Variants in MYPN observed in about 807,000 individuals in gnomAD.
MYPN encodes the protein sarcomeric protein myopalladin, 145 kDa (MYOP).
MYPN carries 63 observed loss-of-function variants against 129.4 expected under a neutral mutation model. The observed-to-expected ratio is 0.49, with a 90% CI of 0.40 to 0.60. The LOEUF is 0.60. Among genes scored for constraint, MYPN ranks in the 20% least tolerant of loss-of-function variants. The probability of loss-of-function intolerance (pLI) is 0.00; values close to 1 mark genes in which losing one functional copy is unlikely to be tolerated. For synonymous variants in MYPN, 629 were observed against 600.9 expected (o/e 1.05, Z -0.68); for missense variants, 1,596 against 1,635.4 (o/e 0.98, Z 0.42).
chr10:68,113,006 G>A (rs1169886381), intron 1 of MYPN, among the ~76,000 whole-genome samples: 2 of 152,154 alleles, frequency 1.3e-5, no homozygotes, highest in African/African-American at 2.4e-5. Flanking sequence ...CTTCTCTAGG[G>A]TGATATCATT....
At chr10:68,110,103 A>G (rs2042060915) in intron 1 of MYPN, among the ~76,000 whole-genome samples, 1 of 152,248 alleles carries the variant, frequency 6.6e-6, no homozygotes, top group African/African-American at 2.4e-5. Flanking sequence ...CTAAAATAAT[A>G]TGCCTGCATA....
chr10:68,194,434 T>A lies in MYPN; in HGVS notation c.2997T>A (p.Asp999Glu). Reference protein sequence around the residue: ...NEHCKMRREGDGTCSLHIEST... With the variant: ...NEHCKMRREGEGTCSLHIEST... The stretch of plus-strand genomic sequence containing the variant: ...ACTGCAAAATGAGGCGAGAAGGAGA[T>A]GGGACATGCTCTCTGCACATTGAAT... Residue 999 changes from aspartate (D) to glutamate (E), a missense_variant, in exon 14 of 20, where the codon GAT (aspartate) becomes GAA (glutamate). Transcript: ENST00000358913. 6.2e-7 allele frequency: 1 copy of A among 1,613,878 alleles called. No individual in the cohort carries two copies.
rs1440449417 is a variant in MYPN at position 68,121,659 on chromosome 10, A to G, written c.221A>G (p.Glu74Gly). ...TTTCTGAGCCAAGAAGAATTAGACG[A>G]AAGTGTCAATTTGGCAAGACTGGCC... ...SAFLSQEELD[E>G]SVNLARLAIN... The change falls in exon 2 of 20, where the codon GAA (glutamate) becomes GGA (glycine). Residue 74 changes from glutamate to glycine, a missense_variant. By Grantham distance (98) the Glu-to-Gly change is moderately conservative (BLOSUM62 -2). Coordinates refer to ENST00000358913, the MANE Select transcript of MYPN (RefSeq NM_032578.4). 1 of 1,614,246 alleles carries G rather than the reference A, an allele frequency of 6.2e-7. No individual in the cohort carries two copies. Among genetic ancestry groups the G allele is most frequent in the Admixed American group, 1.7e-5 (1 of 60,028 alleles).
At chr10:68,170,014 A>C (rs986095036) in intron 10 of MYPN, among the ~76,000 whole-genome samples, 3 of 152,178 alleles carry the variant, frequency 2.0e-5, no homozygotes, top group Admixed American at 6.5e-5. Flanking sequence ...CTGGGATTAC[A>C]GGTGTGAGCC....
chr10:68,100,697 C>A (rs2041977620), intron 1 of MYPN, among the ~76,000 whole-genome samples: 1 of 152,254 alleles, frequency 6.6e-6, no homozygotes, highest in Admixed American at 6.5e-5. Flanking sequence ...TGTGGACGAA[C>A]CCTTGGGCAA....
rs1056092202 is a variant in MYPN at position 68,175,224 on chromosome 10, G to A, written c.2565-99G>A. 4.9e-5 allele frequency: 64 copies of A among 1,295,002 alleles called. No homozygotes were observed. The African/African-American group carries it at 5.4e-4, about 11-fold the overall frequency. The allele number at this position is 1,295,002 out of a possible 1,614,324, so 80.2% of individuals were successfully genotyped here. A position where few individuals can be genotyped will look rare whatever the true frequency, so the allele number is the denominator to read the frequency against. ...TTAATTCCCTAAGTGCCTAATGACC[G>A]CTGGTTTCTGGTTGTCATTTCAACC... On this transcript the variant is annotated intron_variant, in intron 11 of 19. Coordinates refer to ENST00000358913, the MANE Select transcript of MYPN (RefSeq NM_032578.4).
chr10:68,202,441 GAA>G (rs56044056), intron 18 of MYPN, among the ~76,000 whole-genome samples: 1 of 146,912 alleles, frequency 6.8e-6, no homozygotes. Context: ...TCAAAAAAAA[GAA>G]AAAAAAAAGT....
At chr10:68,186,969 T>C (rs10997997) in intron 12 of MYPN, among the ~76,000 whole-genome samples, 28,425 of 151,960 alleles carry the variant, frequency 0.19, 3,041 homozygotes, top group Middle Eastern at 0.27. Flanking sequence ...GAATCCAGGA[T>C]GAGTCCTAGA....
chr10:68,178,490 G>A (rs975281569), intron 12 of MYPN, among the ~76,000 whole-genome samples: 49 of 152,028 alleles, frequency 3.2e-4, no homozygotes, highest in Admixed American at 2.9e-3. Context: ...CGAGACAGGC[G>A]GATCACTTGA....
intron 12 of MYPN, among the ~76,000 whole-genome samples, chr10:68,178,841 CTGAG>C (rs892034765): frequency 1.5e-4 from 23 of 152,066 alleles, no homozygotes; most frequent in African/African-American, 4.8e-4. Flanking sequence ...GCTATGTTGA[CTGAG>C]TGTTAATTTC....
At chr10:68,206,735 G>C in intron 18 of MYPN, 35 bp from the exon 19 acceptor site, 1 of 1,613,838 alleles carries the variant, frequency 6.2e-7, no homozygotes, top group Non-Finnish European at 8.5e-7. Context: ...TCTGCCCCCC[G>C]ATAAAATATA....
intron 1 of MYPN, chr10:68,114,304 C>G (rs920023186): frequency 6.6e-6 from 1 of 151,820 alleles, no homozygotes; most frequent in African/African-American, 2.4e-5. Flanking sequence ...AAGGTATCAG[C>G]CTCAAACTTT....
intron 12 of MYPN, among the ~76,000 whole-genome samples, 177 bp downstream of exon 12, chr10:68,175,638 C>T (rs901207738): frequency 2.0e-5 from 3 of 149,744 alleles, no homozygotes; most frequent in African/African-American, 7.4e-5. Context: ...ATCTGCGGTT[C>T]GTAATTCTCC....
Position 68,195,519 on chromosome 10 carries a change from G to C in MYPN, c.3145G>C (p.Gly1049Arg), listed in dbSNP as rs770562444. ...CATTCGCAGTCGGCTAACCTCTGCT[G>C]GTCAGTCTCACAGGTAAAGACAGTA... ...LPIRSRLTSA[G>R]QSHRGRSRVQ... The change falls in exon 15 of 20, where the codon GGT becomes CGT. Residue 1049 changes from glycine (G) to arginine (R), a missense_variant. Gly to Arg is a moderately radical substitution (Grantham distance 125). Coordinates refer to ENST00000358913, the MANE Select transcript of MYPN (RefSeq NM_032578.4). 1.9e-6 allele frequency: 3 copies of C among 1,613,776 alleles called. No homozygotes were observed. Among genetic ancestry groups the C allele is most frequent in the Non-Finnish European group, 2.5e-6 (3 of 1,179,876 alleles).
At chr10:68,116,534 C>A (rs1307690729) in intron 1 of MYPN, among the ~76,000 whole-genome samples, 1 of 152,152 alleles carries the variant, frequency 6.6e-6, no homozygotes, top group South Asian at 2.1e-4. Context: ...GAAAGTAAAG[C>A]ATTCCAGCCT....
chr10:68,127,455 C>T (rs1049880403), intron 2 of MYPN, among the ~76,000 whole-genome samples: 6 of 151,350 alleles, frequency 4.0e-5, no homozygotes, highest in African/African-American at 1.5e-4. Flanking sequence ...CTGCCTCAGC[C>T]TCCTGAGTAG....
At chr10:68,098,534 C>A (rs767333889) in intron 1 of MYPN, among the ~76,000 whole-genome samples, 2 of 151,942 alleles carry the variant, frequency 1.3e-5, no homozygotes, top group Non-Finnish European at 2.9e-5. Context: ...ACTATTCATG[C>A]AAAATTGGAA....
Position 68,194,466 on chromosome 10 carries a change from C to T in MYPN, c.3029C>T (p.Thr1010Ile). The T allele has an allele frequency of 1.9e-6, 3 of 1,613,898 alleles. No individual in the cohort carries two copies. The highest frequency in any genetic ancestry group is 2.5e-6 in the Non-Finnish European group (3 of 1,179,882). The change falls in exon 14 of 20, where the codon ACC becomes ATC. Residue 1010 changes from threonine (T) to isoleucine (I), a missense_variant. Transcript: ENST00000358913. ...TGCTCTCTGCACATTGAATCCACTA[C>T]CAGTGATGACGATGGCAACTACACC... ...GTCSLHIESTTSDDDGNYTIM... is the reference protein window; with the variant it reads ...GTCSLHIESTISDDDGNYTIM...
At chr10:68,150,954 G>A (rs924401536) in intron 6 of MYPN, among the ~76,000 whole-genome samples, 1 of 152,130 alleles carries the variant, frequency 6.6e-6, no homozygotes, top group Non-Finnish European at 1.5e-5. Context: ...TAGAGCAATG[G>A]TTCTCAATCA....
Sources: allele counts gnomAD v4.1 joint callset (sites outside exome capture counted in the v4.1 genomes callset), GRCh38; gene constraint gnomAD v4.1.1; transcripts MANE v1.5; gene names NCBI Gene and HGNC (gene_info 2026-07-23, HGNC 2026-07-21).